The following TEAD1 variants were observed in gnomAD, a reference collection of about 807,000 sequenced individuals.
The protein encoded by TEAD1 is transcriptional enhancer factor TEF-1.
Under a neutral mutation model 54.9 loss-of-function variants are expected in TEAD1, and 9 were observed. The observed-to-expected ratio is 0.16, with a 90% CI of 0.10 to 0.29. The LOEUF (loss-of-function observed/expected upper bound fraction) is 0.29, where lower values mean the gene tolerates loss of function less well. Ranked by LOEUF, TEAD1 falls within the 10% of genes least tolerant of loss-of-function variation. The probability of loss-of-function intolerance (pLI) is 1.00; values close to 1 mark genes in which losing one functional copy is unlikely to be tolerated. For missense variants in TEAD1, 387 were observed against 535.9 expected (o/e 0.72, Z 2.74); for synonymous variants, 200 against 187.8 (o/e 1.07, Z -0.53).
intron 5 of TEAD1, among the ~76,000 whole-genome samples, chr11:12,870,386 A>C (rs942440400): frequency 6.6e-6 from 1 of 152,296 alleles, no homozygotes; most frequent in Non-Finnish European, 1.5e-5. Context: ...GCGAGGAGAC[A>C]GTGAACCAGG....
intron 2 of TEAD1, among the ~76,000 whole-genome samples, chr11:12,721,959 T>C (rs1944210379): frequency 6.6e-6 from 1 of 152,196 alleles, no homozygotes; most frequent in East Asian, 1.9e-4. Context: ...CCTGGGAGGC[T>C]GGTTAAATTC....
At chr11:12,797,499 C>T (rs1302540801) in intron 3 of TEAD1, among the ~76,000 whole-genome samples, 1 of 152,106 alleles carries the variant, frequency 6.6e-6, no homozygotes, top group African/African-American at 2.4e-5. Context: ...GCCACCCACC[C>T]CATCCCATCT....
chr11:12,678,279 G>A (rs1303392427), intron 2 of TEAD1, among the ~76,000 whole-genome samples: 1 of 152,200 alleles, frequency 6.6e-6, no homozygotes, highest in Non-Finnish European at 1.5e-5. Flanking sequence ...GACTGGAACT[G>A]CAAACTGCTA....
At chr11:12,852,449 CTT>C (rs10706947) in intron 3 of TEAD1, among the ~76,000 whole-genome samples, 94 of 132,668 alleles carry the variant, frequency 7.1e-4, no homozygotes, top group Non-Finnish European at 1.1e-3. Flanking sequence ...TCTTTTTTTC[CTT>C]TTTTTTTTTT....
At chr11:12,759,726 G>C (rs1286191659) in intron 2 of TEAD1, among the ~76,000 whole-genome samples, 4 of 152,180 alleles carry the variant, frequency 2.6e-5, no homozygotes, top group African/African-American at 9.7e-5. Context: ...GCTGAGCGTG[G>C]TGGTGAATGC....
chr11:12,843,800 G>A (rs1304500800), intron 3 of TEAD1, among the ~76,000 whole-genome samples: 4 of 152,132 alleles, frequency 2.6e-5, no homozygotes, highest in Non-Finnish European at 5.9e-5. Context: ...CATTTATGGC[G>A]CTGAAAACTT....
chr11:12,855,080 G>A (rs1253534579), intron 3 of TEAD1, among the ~76,000 whole-genome samples: 1 of 152,032 alleles, frequency 6.6e-6, no homozygotes, highest in African/African-American at 2.4e-5. Flanking sequence ...CTCCTCACAG[G>A]TTAGTTAATA....
chr11:12,847,146 C>G (rs897177601), intron 3 of TEAD1, among the ~76,000 whole-genome samples: 1 of 152,156 alleles, frequency 6.6e-6, no homozygotes, highest in African/African-American at 2.4e-5. Flanking sequence ...TCACTGCGTC[C>G]CATGAGCCAT....
chr11:12,690,205 G>A (rs1259151141), intron 2 of TEAD1, among the ~76,000 whole-genome samples: 1 of 142,712 alleles, frequency 7.0e-6, no homozygotes, highest in African/African-American at 2.6e-5. Flanking sequence ...TTGCGCCACT[G>A]CACTCCAACC....
At chr11:12,881,172 C>T (rs1421496948) in intron 7 of TEAD1, 121 bp downstream of exon 7, 2 of 1,092,926 alleles carry the variant, frequency 1.8e-6, no homozygotes, top group Non-Finnish European at 1.4e-6. Flanking sequence ...ACACTGAGGT[C>T]CCAGAAGGCA....
intron 3 of TEAD1, among the ~76,000 whole-genome samples, chr11:12,818,787 C>T (rs1417251242): frequency 6.6e-6 from 1 of 152,066 alleles, no homozygotes; most frequent in East Asian, 1.9e-4. Context: ...ATAATTGCAC[C>T]GGAAATACTT....
At chr11:12,850,749 C>G (rs1201947932) in intron 3 of TEAD1, among the ~76,000 whole-genome samples, 1 of 152,206 alleles carries the variant, frequency 6.6e-6, no homozygotes, top group Admixed American at 6.5e-5. Context: ...TCACACTTCT[C>G]TAAGGCCAAA....
chr11:12,861,479 G>A (rs1866713), intron 3 of TEAD1, among the ~76,000 whole-genome samples: 152,253 of 152,322 alleles, frequency 1, 76,092 homozygotes, highest in Middle Eastern at 1. Flanking sequence ...ACAGCAGCTC[G>A]TTCGTTCTCT....
At chr11:12,828,545 G>C (rs1267375008) in intron 3 of TEAD1, among the ~76,000 whole-genome samples, 1 of 151,956 alleles carries the variant, frequency 6.6e-6, no homozygotes, top group Non-Finnish European at 1.5e-5. Context: ...GCTCTTGTTT[G>C]CTGAACCTTG....
chr11:12,868,292 A>G (rs1379499270), intron 5 of TEAD1, among the ~76,000 whole-genome samples: 2 of 152,202 alleles, frequency 1.3e-5, no homozygotes, highest in Non-Finnish European at 2.9e-5. Context: ...CTCTTAGGCT[A>G]TTCCATTGAA....
At chr11:12,904,532 A>T (rs1374728464) in intron 10 of TEAD1, among the ~76,000 whole-genome samples, 1 of 152,222 alleles carries the variant, frequency 6.6e-6, no homozygotes, top group Non-Finnish European at 1.5e-5. Flanking sequence ...TTAAGAAACT[A>T]CTACTGCTTG....
chr11:12,936,350 A>G (rs1949098900), intron 12 of TEAD1, among the ~76,000 whole-genome samples: 1 of 152,218 alleles, frequency 6.6e-6, no homozygotes, highest in Non-Finnish European at 1.5e-5. Flanking sequence ...ATACATTTTG[A>G]AAGATAAAGC....
chr11:12,803,822 C>G (rs1261543445), intron 3 of TEAD1, among the ~76,000 whole-genome samples: 1 of 152,164 alleles, frequency 6.6e-6, no homozygotes. Flanking sequence ...ACTGGGGTTC[C>G]AAGGAGTCGT....
chr11:12,780,865 T>G (rs1017860193), intron 3 of TEAD1, among the ~76,000 whole-genome samples: 1 of 152,136 alleles, frequency 6.6e-6, no homozygotes, highest in East Asian at 1.9e-4. Flanking sequence ...AAAATTTATA[T>G]GGAAATTCAA....
Sources: gnomAD v4.1 joint callset for allele counts (sites outside exome capture counted in the v4.1 genomes callset) on GRCh38, gnomAD v4.1.1 for gene constraint, MANE v1.5 for transcripts, NCBI Gene and HGNC (gene_info 2026-07-23, HGNC 2026-07-21) for gene names.